Variants in TMEM220 observed in about 807,000 individuals in gnomAD.
TMEM220 encodes transmembrane protein 220.
A neutral mutation model predicts 21.7 loss-of-function variants in TMEM220; 21 were observed. That is an observed-to-expected ratio of 0.97 (90% CI 0.69 to 1.39). The LOEUF (loss-of-function observed/expected upper bound fraction) is 1.39. Among genes scored for constraint, TMEM220 ranks in the 40% most tolerant of loss-of-function variants. TMEM220 has a pLI of 0.00. For synonymous variants in TMEM220, 80 were observed against 73.6 expected (o/e 1.09, Z -0.45); for missense variants, 191 against 201.9 (o/e 0.95, Z 0.33).
chr17:10,728,586 C>G (rs900692669), intron 2 of TMEM220, among the ~76,000 whole-genome samples: 8 of 152,170 alleles, frequency 5.3e-5, no homozygotes, highest in Admixed American at 2.6e-4. Context: ...GCTGAGATTG[C>G]AGGCGTGAGC....
intron 3 of TMEM220, among the ~76,000 whole-genome samples, chr17:10,725,685 T>C (rs1201126246): frequency 6.6e-6 from 1 of 152,102 alleles, no homozygotes; most frequent in African/African-American, 2.4e-5. Flanking sequence ...AAGTTCCGAG[T>C]CCACCAGTCT....
chr17:10,723,526 T>A (rs1337594846), intron 4 of TMEM220, among the ~76,000 whole-genome samples, 197 bp from the exon 5 acceptor site: 1 of 152,218 alleles, frequency 6.6e-6, no homozygotes, highest in Non-Finnish European at 1.5e-5. Flanking sequence ...TAAAGCCTCA[T>A]ATGAAAATAC....
intron 1 of TMEM220, among the ~76,000 whole-genome samples, chr17:10,729,498 G>A (rs1036788041): frequency 6.6e-6 from 1 of 152,228 alleles, no homozygotes; most frequent in East Asian, 1.9e-4. Context: ...CGTTAACGCA[G>A]GAGCCAGGGC....
chr17:10,729,689 G>A (rs1173297503), intron 1 of TMEM220, 91 bp downstream of exon 1: 1 of 1,148,200 alleles, frequency 8.7e-7, no homozygotes, highest in Non-Finnish European at 1.1e-6. Flanking sequence ...GCGCCCCTGC[G>A]ACTCTGCCCG....
chr17:10,727,397 G>T (rs192082508), intron 2 of TMEM220, among the ~76,000 whole-genome samples: 1 of 152,306 alleles, frequency 6.6e-6, no homozygotes, highest in African/African-American at 2.4e-5. Flanking sequence ...GAACAAGAAT[G>T]ACTCAGAGAA....
At chr17:10,712,503 A>C (rs193206727), downstream of TMEM220, among the ~76,000 whole-genome samples, 5 of 152,316 alleles carry the variant, frequency 3.3e-5, no homozygotes, top group Non-Finnish European at 7.3e-5. Flanking sequence ...GTACTCTTGC[A>C]CTCATAGACC....
In TMEM220 at chr17:10,727,499, A is replaced by C. The variant is rs533269530; in HGVS notation, c.103-1235T>G. ...AGGTCCTTGGGCATATCTGAGGAGC[A>C]GTGTGACATGCAGGTGAATATACGC... On this transcript the variant is annotated intron_variant, in intron 2 of 5. Coordinates refer to ENST00000341871, the MANE Select transcript of TMEM220 (RefSeq NM_001004313.3). Among the ~76,000 whole-genome samples, 3 of 152,348 alleles carry C rather than the reference A, an allele frequency of 2.0e-5. No homozygotes were observed. The South Asian group carries it at 6.2e-4, about 32-fold the overall frequency.
rs112685523 is a variant in TMEM220 at position 10,724,743 on chromosome 17, G to A, written c.287+268C>T. ...CGTTGCTAGTTACAAGGGGGCCAAA[G>A]TCCAACGGCCTGACAGTAATATAAT... is the stretch of plus-strand genomic sequence containing the variant. On this transcript the variant is annotated intron_variant, in intron 4 of 5. Transcript: ENST00000341871. 3.7e-3 allele frequency among the ~76,000 whole-genome samples: 567 copies of A among 152,282 alleles called. 3 individuals are homozygous for A. The highest frequency in any genetic ancestry group is 5.4e-3 in the Non-Finnish European group (366 of 68,018).
chr17:10,715,454 T>G lies in TMEM220; in HGVS notation c.482A>C (p.Ter161SerextTer10). The G allele has an allele frequency of 6.3e-7, 1 of 1,579,378 alleles. No homozygotes were observed. Among genetic ancestry groups the G allele is most frequent in the Non-Finnish European group, 8.5e-7 (1 of 1,172,304 alleles). Residue 161 changes from the stop codon to serine, a stop_lost, in exon 6 of 6, where the codon TAA becomes TCA. Coordinates refer to ENST00000341871, the MANE Select transcript of TMEM220 (RefSeq NM_001004313.3). ...TAAAAACGAAGTTCTTGAATTTATT[T>G]AAATTACTGTCTTGCAGTGAGTTGG... ...SWPTHCKTVI[*>S]
chr17:10,723,243 T>C (rs1171320167), intron 5 of TMEM220, 27 bp downstream of exon 5: 3 of 1,609,660 alleles, frequency 1.9e-6, no homozygotes, highest in Non-Finnish European at 2.5e-6. Flanking sequence ...CCTCCCAAAG[T>C]GAAGATGTGA....
chr17:10,722,971 G>A (rs550565093), intron 5 of TMEM220, among the ~76,000 whole-genome samples: 5 of 148,200 alleles, frequency 3.4e-5, no homozygotes, highest in African/African-American at 5.0e-5. Flanking sequence ...TGTCAGCCTC[G>A]AAGATGTGAT....
intron 2 of TMEM220, 102 bp downstream of exon 2, chr17:10,728,929 A>G: frequency 7.8e-7 from 1 of 1,290,206 alleles, no homozygotes; most frequent in Non-Finnish European, 1.1e-6. Flanking sequence ...AGTTTCTCAG[A>G]AAATTAAGCA....
intron 1 of TMEM220, among the ~76,000 whole-genome samples, chr17:10,729,418 G>A (rs1177679941): frequency 6.6e-6 from 1 of 152,120 alleles, no homozygotes; most frequent in African/African-American, 2.4e-5. Flanking sequence ...GTTTAATGAT[G>A]CTATAAAGGG....
At chr17:10,729,542 C>A (rs1448675584) in intron 1 of TMEM220, among the ~76,000 whole-genome samples, 1 of 152,220 alleles carries the variant, frequency 6.6e-6, no homozygotes, top group Non-Finnish European at 1.5e-5. Context: ...AAGTTCCACG[C>A]GCGGAACCAG....
chr17:10,712,837 G>A (rs1567582566), downstream of TMEM220, among the ~76,000 whole-genome samples: 1 of 152,190 alleles, frequency 6.6e-6, no homozygotes, highest in South Asian at 2.1e-4. Context: ...ATTATGGAGA[G>A]CCTTGAATGA....
At chr17:10,711,178 TTGTG>T (rs1185850966), downstream of TMEM220, 36 of 1,535,552 alleles carry the variant, frequency 2.3e-5, no homozygotes, top group Non-Finnish European at 3.0e-5. Context: ...AAAATGAGCT[TTGTG>T]TTTGTCCCTC....
At chr17:10,728,644 G>A (rs952440175) in intron 2 of TMEM220, among the ~76,000 whole-genome samples, 1 of 152,146 alleles carries the variant, frequency 6.6e-6, no homozygotes, top group African/African-American at 2.4e-5. Context: ...ATAAGTCACT[G>A]AATTAGCAGA....
chr17:10,726,540 T>C (rs1024889442), intron 2 of TMEM220, among the ~76,000 whole-genome samples: 10 of 152,212 alleles, frequency 6.6e-5, no homozygotes, highest in South Asian at 6.2e-4. Flanking sequence ...GGTTTTGGTC[T>C]TAAGACACAC....
In TMEM220 at chr17:10,729,974, C is replaced by T; in HGVS notation, c.-123G>A. 8.2e-7 allele frequency: 1 copy of T among 1,222,088 alleles called. No individual in the cohort carries two copies. The highest frequency in any genetic ancestry group is 1.0e-6 in the Non-Finnish European group (1 of 983,726). The allele number at this position is 1,222,088 out of a possible 1,614,324, so 75.7% of individuals were successfully genotyped here. On this transcript the variant is annotated 5_prime_UTR_variant, in exon 1 of 6. Coordinates refer to ENST00000341871, the MANE Select transcript of TMEM220 (RefSeq NM_001004313.3). Reference sequence around the variant, plus strand: ...GAGACCCCCGCCTCGGTTTCGGTGCCTTGGGGACACTGCCGTGGCCGTCGC... The same window carrying T: ...GAGACCCCCGCCTCGGTTTCGGTGCTTTGGGGACACTGCCGTGGCCGTCGC...
Sources: gnomAD v4.1 joint callset for allele counts (sites outside exome capture counted in the v4.1 genomes callset) on GRCh38, gnomAD v4.1.1 for gene constraint, MANE v1.5 for transcripts, NCBI Gene and HGNC (gene_info 2026-07-23, HGNC 2026-07-21) for gene names.